PTPRM: variants seen among roughly 807,000 people sequenced by gnomAD.
The protein encoded by PTPRM is receptor-type tyrosine-protein phosphatase mu.
Under a neutral mutation model 186.7 loss-of-function variants are expected in PTPRM, and 47 were observed. The ratio of observed to expected loss-of-function variants is 0.25; its 90% CI spans 0.20 to 0.32. The LOEUF is 0.32. Among genes scored for constraint, PTPRM ranks in the 10% least tolerant of loss-of-function variants. The pLI is 1.00. For missense variants in PTPRM, 1,494 were observed against 1,865.0 expected (o/e 0.80, Z 3.66); for synonymous variants, 668 against 674.9 (o/e 0.99, Z 0.16).
chr18:8,091,255 G>A (rs966305711), intron 11 of PTPRM, among the ~76,000 whole-genome samples: 10 of 151,986 alleles, frequency 6.6e-5, no homozygotes, highest in African/African-American at 1.5e-4. Context: ...ATAACATCCC[G>A]GTTTCCAAGT....
At chr18:7,781,934 A>G (rs144776987) in intron 2 of PTPRM, among the ~76,000 whole-genome samples, 4 of 152,272 alleles carry the variant, frequency 2.6e-5, no homozygotes, top group Non-Finnish European at 5.9e-5. Context: ...TAGCTGTAAT[A>G]TAATCACTAG....
chr18:7,949,175 A>G lies in PTPRM; in HGVS notation c.664-6A>G, dbSNP rs535518447. 1.9e-5 allele frequency: 31 copies of G among 1,594,552 alleles called. No homozygotes were observed. Among genetic ancestry groups the G allele is most frequent in the Middle Eastern group, 3.3e-4 (2 of 6,008 alleles). ...CTTTTTGTCCTCCCCACCCCACTTGATACAGGGCATTGATGTGCGAGATGC... is the reference window on the plus strand; with the variant it reads ...CTTTTTGTCCTCCCCACCCCACTTGGTACAGGGCATTGATGTGCGAGATGC... On this transcript the variant is annotated splice_region_variant and splice_polypyrimidine_tract_variant and intron_variant, in intron 5 of 32. Transcript: ENST00000580170.
intron 22 of PTPRM, among the ~76,000 whole-genome samples, chr18:8,341,926 C>T (rs977729193): frequency 2.0e-5 from 3 of 152,178 alleles, no homozygotes; most frequent in Admixed American, 1.3e-4. Context: ...TGCCAAGGGA[C>T]GTGGCCAAAA....
chr18:8,081,664 G>T (rs1406183023), intron 9 of PTPRM, among the ~76,000 whole-genome samples: 1 of 152,152 alleles, frequency 6.6e-6, no homozygotes, highest in Non-Finnish European at 1.5e-5. Flanking sequence ...AGGCAGTGGG[G>T]TTGTAGAGTT....
intron 29 of PTPRM, 49 bp downstream of exon 29, chr18:8,380,476 T>C: frequency 1.2e-6 from 2 of 1,607,316 alleles, no homozygotes; most frequent in Middle Eastern, 3.3e-4. Context: ...GGGGTCAAGT[T>C]TGTTTTTACA....
intron 14 of PTPRM, among the ~76,000 whole-genome samples, chr18:8,240,549 GGAAA>G (rs796398397): frequency 0.012 from 1,302 of 105,808 alleles, 11 homozygotes; most frequent in Non-Finnish European, 0.02. Context: ...AAGGAAGGAA[GGAAA>G]GAAGGAAAGA....
chr18:7,841,519 C>A (rs1005872084), intron 2 of PTPRM, among the ~76,000 whole-genome samples: 7 of 151,970 alleles, frequency 4.6e-5, no homozygotes, highest in Non-Finnish European at 8.8e-5. Context: ...TGGTCTTGAT[C>A]TCCTGACTTC....
intron 5 of PTPRM, among the ~76,000 whole-genome samples, chr18:7,938,256 C>T (rs1455851323): frequency 2.0e-5 from 3 of 152,148 alleles, no homozygotes; most frequent in African/African-American, 7.2e-5. Flanking sequence ...ATTTTAACCT[C>T]CTTTATCTTA....
At chr18:7,852,690 T>A (rs113424111) in intron 2 of PTPRM, among the ~76,000 whole-genome samples, 4,304 of 150,200 alleles carry the variant, frequency 0.029, 196 homozygotes, top group African/African-American at 0.099. Context: ...CTCTCAAAAA[T>A]AAAAAAAAGA....
Position 8,400,867 on chromosome 18 carries a change from C to T in PTPRM, c.4345-5242C>T, listed in dbSNP as rs76451240. 6.2e-3 allele frequency among the ~76,000 whole-genome samples: 944 copies of T among 152,250 alleles called. 17 individuals are homozygous for T. Among genetic ancestry groups the T allele is most frequent in the African/African-American group, 0.021 (856 of 41,526 alleles). The stretch of plus-strand genomic sequence containing the variant: ...GCTGTGAAATTTGCAGCCTATTTAA[C>T]GGCTGTGCATGTGTGTGTGCATGTG... On this transcript the variant is annotated intron_variant, in intron 32 of 32. Coordinates refer to ENST00000580170, the MANE Select transcript of PTPRM (RefSeq NM_001105244.2).
chr18:8,402,682 C>A lies in PTPRM; in HGVS notation c.4345-3427C>A, dbSNP rs535710192. On this transcript the variant is annotated intron_variant, in intron 32 of 32. Transcript: ENST00000580170. ...GAGCACTTCACAGCCAAGATGTCGG[C>A]CTGGTGATCTGACAACGTGGCCTTT... Among the ~76,000 whole-genome samples the A allele has an allele frequency of 2.7e-3, 404 of 152,176 alleles. 3 individuals are homozygous for A. The highest frequency in any genetic ancestry group is 9.6e-3 in the African/African-American group (398 of 41,522).
intron 9 of PTPRM, among the ~76,000 whole-genome samples, chr18:8,082,247 C>T (rs1360716352): frequency 6.6e-6 from 1 of 152,136 alleles, no homozygotes; most frequent in Non-Finnish European, 1.5e-5. Flanking sequence ...TCCAATTCCT[C>T]TGGTATATTT....
chr18:7,767,709 C>T (rs1202166050), intron 1 of PTPRM, among the ~76,000 whole-genome samples: 1 of 151,770 alleles, frequency 6.6e-6, no homozygotes, highest in African/African-American at 2.4e-5. Context: ...CTAATAATTG[C>T]CAGGAAAAAA....
intron 14 of PTPRM, among the ~76,000 whole-genome samples, chr18:8,194,442 C>A (rs142713657): frequency 2.0e-5 from 3 of 152,294 alleles, no homozygotes; most frequent in East Asian, 1.9e-4. Context: ...AAAGTGACGG[C>A]GGTGGAAAGT....
At chr18:8,168,432 G>T (rs916998611) in intron 14 of PTPRM, among the ~76,000 whole-genome samples, 1 of 152,076 alleles carries the variant, frequency 6.6e-6, no homozygotes, top group Non-Finnish European at 1.5e-5. Context: ...ATTAAAGTTA[G>T]CAAAAATAAG....
chr18:7,573,262 A>T (rs2036605838), intron 1 of PTPRM, among the ~76,000 whole-genome samples: 1 of 152,196 alleles, frequency 6.6e-6, no homozygotes, highest in African/African-American at 2.4e-5. Context: ...ACACATGGAA[A>T]GTTGAAGGAG....
chr18:7,697,099 A>G (rs1299248756), intron 1 of PTPRM, among the ~76,000 whole-genome samples: 2 of 152,216 alleles, frequency 1.3e-5, no homozygotes, highest in African/African-American at 2.4e-5. Context: ...ACCAAACAGC[A>G]TTATCCATAT....
chr18:8,172,897 A>T (rs1206326831), intron 14 of PTPRM, among the ~76,000 whole-genome samples: 3 of 152,200 alleles, frequency 2.0e-5, no homozygotes, highest in Non-Finnish European at 4.4e-5. Flanking sequence ...GTACCAGAGT[A>T]TGATGATGCA....
chr18:8,348,059 C>T (rs549937088), intron 23 of PTPRM, among the ~76,000 whole-genome samples: 20 of 152,356 alleles, frequency 1.3e-4, no homozygotes, highest in African/African-American at 4.8e-4. Context: ...CAGATAGCTC[C>T]TCCATTTTTA....
Sources: allele counts gnomAD v4.1 joint callset (sites outside exome capture counted in the v4.1 genomes callset), GRCh38; gene constraint gnomAD v4.1.1; transcripts MANE v1.5; gene names NCBI Gene and HGNC (gene_info 2026-07-23, HGNC 2026-07-21).